The following BEAN1 variants were observed in gnomAD, a reference collection of about 807,000 sequenced individuals.
The protein encoded by BEAN1 is protein BEAN1.
A neutral mutation model predicts 17.7 loss-of-function variants in BEAN1; 17 were observed. The observed-to-expected ratio is 0.96, with a 90% CI of 0.66 to 1.44. BEAN1 has a LOEUF of 1.44. BEAN1 is among the 40% of genes most tolerant of loss of function. BEAN1 has a pLI of 0.00. For synonymous variants in BEAN1, 142 were observed against 151.8 expected, an observed-to-expected ratio of 0.94 and a Z score of 0.47; for missense variants, 359 against 374.1, an observed-to-expected ratio of 0.96 and a Z score of 0.33.
chr16:66,467,408 G>C (rs1158928080), intron 2 of BEAN1, among the ~76,000 whole-genome samples: 2 of 152,220 alleles, frequency 1.3e-5, no homozygotes, highest in Admixed American at 1.3e-4. Flanking sequence ...TCACGGGGCA[G>C]TAGGAGAGAG....
In BEAN1 at chr16:66,490,446, A is replaced by AAATAAAAT. The variant is rs1964158316; in HGVS notation, c.148-2505_148-2498dup. 1.4e-5 allele frequency among the ~76,000 whole-genome samples: 2 copies of AAATAAAAT among 143,168 alleles called. 1 individual carries two copies. The highest frequency in any genetic ancestry group is 3.0e-5 in the Non-Finnish European group (2 of 65,804). The allele number at this position is 143,168 out of a possible 152,430, so 93.9% of individuals were successfully genotyped here. On this transcript the variant is annotated intron_variant, in intron 4 of 4. Coordinates refer to the BEAN1 transcript ENST00000561796. ...AAATAAAATAAAATAAAATAAAATAAAATAAAATAATAAAATAAAAAGAAA... is the reference window on the plus strand; with the variant it reads ...AAATAAAATAAAATAAAATAAAATAAAATAAAATAATAAAATAATAAAATAAAAAGAAA...
chr16:66,435,018 T>C (rs1371978347), intron 1 of BEAN1, among the ~76,000 whole-genome samples: 2 of 152,120 alleles, frequency 1.3e-5, no homozygotes, highest in Non-Finnish European at 2.9e-5. Context: ...GAGTGATCAT[T>C]CTGTCTCCAC....
intron 4 of BEAN1, among the ~76,000 whole-genome samples, chr16:66,480,341 G>A (rs1963937778): frequency 6.6e-6 from 1 of 152,164 alleles, no homozygotes; most frequent in East Asian, 1.9e-4. Context: ...GCAGCTCAGT[G>A]TTCATGCGTT....
intron 4 of BEAN1, among the ~76,000 whole-genome samples, chr16:66,479,841 C>T (rs1963917585): frequency 2.6e-5 from 4 of 152,082 alleles, no homozygotes; most frequent in Admixed American, 2.6e-4. Context: ...GTGATCATGC[C>T]CACAGGAGTG....
At position 66,427,565 on chromosome 16, in the gene BEAN1, C is replaced by G. The variant is rs982995153; in HGVS notation, c.-83+134C>G. 2 of 151,950 alleles carry G rather than the reference C, an allele frequency of 1.3e-5. No individual in the cohort carries two copies. The highest frequency in any genetic ancestry group is 4.8e-5 in the African/African-American group (2 of 41,392). 9.4% of individuals were successfully genotyped at this position (151,950 alleles called of 1,614,324 possible). A position where few individuals can be genotyped will look rare whatever the true frequency, so the allele number is the denominator to read the frequency against. On this transcript the variant is annotated intron_variant, in intron 1 of 4. Coordinates refer to ENST00000536005, the MANE Select transcript of BEAN1 (RefSeq NM_001178020.3). The surrounding 1 kb of genome is among the most constrained non-coding windows in gnomAD (Gnocchi z 4.7). ...CCGCGCGGAGCCTCGGTGCGCGGGG[C>G]GGGCGGATGCGCGGTCCGGAACGGA...
intron 4 of BEAN1, 124 bp downstream of exon 4, chr16:66,477,834 C>T (rs1375430960): frequency 2.6e-6 from 3 of 1,168,448 alleles, no homozygotes; most frequent in East Asian, 3.0e-5. Context: ...AACATCTGCT[C>T]AGTGGGCATG....
chr16:66,492,607 T>C (rs1015854842), intron 4 of BEAN1, among the ~76,000 whole-genome samples: 1 of 149,492 alleles, frequency 6.7e-6, no homozygotes, highest in East Asian at 2.0e-4. Context: ...GCCCGGCTAA[T>C]TTTTTTGTAT....
downstream of BEAN1, among the ~76,000 whole-genome samples, chr16:66,487,492 G>A (rs1258347744): frequency 6.6e-6 from 1 of 152,136 alleles, no homozygotes; most frequent in African/African-American, 2.4e-5. Context: ...GAGAGAAACA[G>A]TGCTTCCTGC....
rs1597054099 is a variant in BEAN1, at chr16:66,482,828, C to T, written c.*1903C>T. ...CAATAAAATGTAGCAAGAAGTAACA[C>T]TTTCAGAGAGTGCATAAGGTTCCTT... On this transcript the variant is annotated 3_prime_UTR_variant, in exon 5 of 5. Coordinates refer to ENST00000536005, the MANE Select transcript of BEAN1 (RefSeq NM_001178020.3). The T allele has an allele frequency of 2.2e-6, 1 of 453,340 alleles. No individual in the cohort carries two copies. Among genetic ancestry groups the T allele is most frequent in the South Asian group, 1.6e-5 (1 of 63,468 alleles). The allele number at this position is 453,340 out of a possible 1,614,324, so 28.1% of individuals were successfully genotyped here. A position where few individuals can be genotyped will look rare whatever the true frequency, so the allele number is the denominator to read the frequency against.
In BEAN1 at chr16:66,445,475, C is replaced by CAAAAAAAAA. The variant is rs61540693; in HGVS notation, c.25+7806_25+7814dup. On this transcript the variant is annotated intron_variant, in intron 2 of 4. Coordinates refer to ENST00000536005, the MANE Select transcript of BEAN1 (RefSeq NM_001178020.3). ...TGGGCAAGAGAGTGAGACTCCGTCT[C>CAAAAAAAAA]AAAAAAAAAAAAAAAAAAAAAAAAA... 4.5e-4 allele frequency among the ~76,000 whole-genome samples: 22 copies of CAAAAAAAAA among 49,322 alleles called. 1 individual carries two copies. Among genetic ancestry groups the CAAAAAAAAA allele is most frequent in the East Asian group, 8.7e-4 (1 of 1,150 alleles). 32.4% of individuals were successfully genotyped at this position (49,322 alleles called of 152,430 possible).
chr16:66,447,191 G>T (rs181102915), intron 2 of BEAN1, among the ~76,000 whole-genome samples: 6 of 152,286 alleles, frequency 3.9e-5, no homozygotes, highest in Admixed American at 3.3e-4. Flanking sequence ...GATGACTTGA[G>T]CCCAGGAGTT....
chr16:66,439,140 G>A (rs541482029), intron 2 of BEAN1, among the ~76,000 whole-genome samples: 1 of 152,210 alleles, frequency 6.6e-6, no homozygotes, highest in Non-Finnish European at 1.5e-5. Context: ...ATCATCACCA[G>A]GCACGCCAGG....
At chr16:66,469,945 C>T in intron 3 of BEAN1, 80 bp downstream of exon 3, 1 of 1,483,078 alleles carries the variant, frequency 6.7e-7, no homozygotes, top group Non-Finnish European at 9.0e-7. Flanking sequence ...GAGTTGGCAA[C>T]TCTGCCCTGG....
intron 2 of BEAN1, among the ~76,000 whole-genome samples, chr16:66,455,530 T>C (rs1384734846): frequency 6.6e-6 from 1 of 152,148 alleles, no homozygotes; most frequent in African/African-American, 2.4e-5. Context: ...ATCAGTTACA[T>C]GATTCTCATG....
At chr16:66,485,510 T>TC, downstream of BEAN1, 1 of 236,074 alleles carries the variant, frequency 4.2e-6, no homozygotes, top group Non-Finnish European at 8.6e-6. Context: ...TCACCCCACA[T>TC]TGCACGTCCT....
At chr16:66,431,003 G>A (rs1961774580) in intron 1 of BEAN1, among the ~76,000 whole-genome samples, 1 of 152,162 alleles carries the variant, frequency 6.6e-6, no homozygotes, top group Admixed American at 6.5e-5. Context: ...TTGGCAAATA[G>A]GACTTGCTCA....
rs985572206 is a variant in BEAN1 at position 66,427,357 on chromosome 16, G to C, written c.-157G>C. The C allele has an allele frequency of 1.3e-5, 2 of 151,934 alleles. No homozygotes were observed. The highest frequency in any genetic ancestry group is 6.6e-5 in the Admixed American group (1 of 15,166). The allele number at this position is 151,934 out of a possible 1,614,324, so 9.4% of individuals were successfully genotyped here. On this transcript the variant is annotated 5_prime_UTR_variant, in exon 1 of 5. Coordinates refer to ENST00000536005, the MANE Select transcript of BEAN1 (RefSeq NM_001178020.3). This position sits in a 1 kb window ranked among gnomAD's most constrained non-coding sequence, Gnocchi z 4.7. ...GAACCGGACTGGGAGCCGGAGCCGGGGCGGGAACCGGAGCTGGAGCCGAAG... is the reference window on the plus strand; with the variant it reads ...GAACCGGACTGGGAGCCGGAGCCGGCGCGGGAACCGGAGCTGGAGCCGAAG...
exon 5 of BEAN1, chr16:66,493,058 G>A (rs1226731068): frequency 4.3e-6 from 3 of 702,904 alleles, no homozygotes. Context: ...GGCCACCTTG[G>A]AGTCTGAGTT....
In BEAN1 at chr16:66,427,984, T is replaced by C. The variant is rs1006919169; in HGVS notation, c.-83+553T>C. 2.0e-5 allele frequency: 3 copies of C among 152,260 alleles called. No homozygotes were observed. Among genetic ancestry groups the C allele is most frequent in the Non-Finnish European group, 4.4e-5 (3 of 68,108 alleles). 9.4% of individuals were successfully genotyped at this position (152,260 alleles called of 1,614,324 possible). A position where few individuals can be genotyped will look rare whatever the true frequency, so the allele number is the denominator to read the frequency against. ...GAGCAGGTCGCCTGGGGTATGCCCC[T>C]GTCTCCGTGCCTCTGTCTCAGCACC... On this transcript the variant is annotated intron_variant, in intron 1 of 4. Coordinates refer to ENST00000536005, the MANE Select transcript of BEAN1 (RefSeq NM_001178020.3). The surrounding 1 kb of genome is among the most constrained non-coding windows in gnomAD (Gnocchi z 4.7).
Sources: gnomAD v4.1 joint callset for allele counts (sites outside exome capture counted in the v4.1 genomes callset) on GRCh38, gnomAD v4.1.1 for gene constraint, Gnocchi (gnomAD v3.1) non-coding constraint, MANE v1.5 for transcripts, NCBI Gene and HGNC (gene_info 2026-07-23, HGNC 2026-07-21) for gene names.